The following FYB1 variants were observed in gnomAD, a reference collection of about 807,000 sequenced individuals.
The protein encoded by FYB1 is FYN binding protein 1.
A neutral mutation model predicts 94.1 loss-of-function variants in FYB1; 41 were observed. The ratio of observed to expected loss-of-function variants is 0.44; its 90% CI spans 0.34 to 0.57. FYB1 has a LOEUF of 0.57. FYB1 is among the 20% of genes least tolerant of loss of function. FYB1 has a pLI of 0.02. For missense variants in FYB1, 1,050 were observed against 976.8 expected (o/e 1.07, Z -1.00); for synonymous variants, 367 against 353.2 (o/e 1.04, Z -0.44).
chr5:39,227,916 G>A (rs1176716997), intron 1 of FYB1, among the ~76,000 whole-genome samples: 2 of 152,136 alleles, frequency 1.3e-5, no homozygotes, highest in Non-Finnish European at 2.9e-5. Context: ...GACCCAAAAT[G>A]TTTTTCACTG....
At chr5:39,208,816 A>G (rs1749086656) in intron 1 of FYB1, 1 of 152,214 alleles carries the variant, frequency 6.6e-6, no homozygotes, top group African/African-American at 2.4e-5. Context: ...AGGTGTAACA[A>G]AAAGACTGAG....
At chr5:39,134,068 TG>T (rs1215533022) in intron 9 of FYB1, 139 bp downstream of exon 9, 3 of 563,868 alleles carry the variant, frequency 5.3e-6, no homozygotes, top group Non-Finnish European at 9.3e-6. Flanking sequence ...TCACCCATGT[TG>T]GGGTTATTGT....
chr5:39,188,918 T>A (rs260331), intron 2 of FYB1, among the ~76,000 whole-genome samples: 4,472 of 152,220 alleles, frequency 0.029, 253 homozygotes, highest in African/African-American at 0.1. Context: ...ATTCCTGAGT[T>A]CCATCCCAGA....
intron 1 of FYB1, chr5:39,270,928 G>GTA (rs1244853264): frequency 5.3e-6 from 1 of 187,540 alleles, no homozygotes; most frequent in Non-Finnish European, 1.1e-5. Context: ...GGATACATAT[G>GTA]TGTGTGTGTG....
intron 11 of FYB1, among the ~76,000 whole-genome samples, chr5:39,127,124 A>G (rs75938066): frequency 0.04 from 5,978 of 151,006 alleles, 427 homozygotes; most frequent in African/African-American, 0.14. Context: ...AAATGGAAAA[A>G]GAAAATTTAT....
intron 16 of FYB1, among the ~76,000 whole-genome samples, chr5:39,117,818 CT>C (rs1739714263): frequency 6.6e-6 from 1 of 152,114 alleles, no homozygotes; most frequent in South Asian, 2.1e-4. Context: ...AATTACTCTT[CT>C]CGGGATTTAA....
chr5:39,108,130 A>T, intron 18 of FYB1, 101 bp downstream of exon 18: 1 of 1,110,006 alleles, frequency 9.0e-7, no homozygotes, highest in Non-Finnish European at 1.3e-6. Context: ...TCAAATTCTG[A>T]TCAGATTGGA....
At chr5:39,144,466 A>G (rs1052052335) in intron 3 of FYB1, among the ~76,000 whole-genome samples, 2 of 152,168 alleles carry the variant, frequency 1.3e-5, no homozygotes, top group African/African-American at 4.8e-5. Flanking sequence ...AATAAATTGC[A>G]AAGAATTAAA....
chr5:39,154,847 C>A (rs1297241529), intron 2 of FYB1, among the ~76,000 whole-genome samples: 1 of 152,300 alleles, frequency 6.6e-6, no homozygotes, highest in Non-Finnish European at 1.5e-5. Flanking sequence ...CCGCCTTGTC[C>A]TCCCAAAGTG....
At chr5:39,265,807 G>A (rs1344061817) in intron 1 of FYB1, among the ~76,000 whole-genome samples, 1 of 152,180 alleles carries the variant, frequency 6.6e-6, no homozygotes, top group East Asian at 1.9e-4. Context: ...TGTTCACCCT[G>A]CATTCCAATG....
chr5:39,133,469 A>C (rs1315438018), intron 9 of FYB1, among the ~76,000 whole-genome samples: 1 of 152,172 alleles, frequency 6.6e-6, no homozygotes, highest in Non-Finnish European at 1.5e-5. Context: ...GAGACAAAAG[A>C]ATGACAAAAA....
intron 13 of FYB1, among the ~76,000 whole-genome samples, chr5:39,123,909 GT>G (rs1441061262): frequency 6.6e-6 from 1 of 152,128 alleles, no homozygotes; most frequent in Non-Finnish European, 1.5e-5. Flanking sequence ...AATCTGGAAT[GT>G]TTTTAGATAT....
intron 2 of FYB1, among the ~76,000 whole-genome samples, chr5:39,167,586 C>T (rs1393735461): frequency 6.6e-6 from 1 of 152,260 alleles, no homozygotes; most frequent in African/African-American, 2.4e-5. Context: ...CCAGAGTATT[C>T]TGTGTTAGGG....
chr5:39,258,740 C>A (rs925741914), intron 1 of FYB1, among the ~76,000 whole-genome samples: 1 of 152,084 alleles, frequency 6.6e-6, no homozygotes, highest in Non-Finnish European at 1.5e-5. Context: ...CTCTCACTGA[C>A]TTAGCACATG....
chr5:39,271,133 A>G (rs2111777600), intron 1 of FYB1, among the ~76,000 whole-genome samples: 1 of 152,262 alleles, frequency 6.6e-6, no homozygotes, highest in South Asian at 2.1e-4. Context: ...GAGCAAAAGT[A>G]TATGAAAATT....
chr5:39,202,059 T>A lies in FYB1; in HGVS notation c.902A>T (p.Gln301Leu). Residue 301 changes from glutamine to leucine, a missense_variant, in exon 2 of 19, where the codon CAG becomes CTG. By Grantham distance (113) the Gln-to-Leu change is moderately radical (BLOSUM62 -2). Coordinates refer to ENST00000512982, the MANE Select transcript of FYB1 (RefSeq NM_001465.6). ...AKNTFQSKIN[Q>L]EELASGTPPA... ...AGGAGTCCCTGAGGCCAACTCTTCC[T>A]GATTTATTTTGCTCTGGAAGGTGTT... is the stretch of plus-strand genomic sequence containing the variant. 6.2e-7 allele frequency: 1 copy of A among 1,614,058 alleles called. No homozygotes were observed. The highest frequency in any genetic ancestry group is 8.5e-7 in the Non-Finnish European group (1 of 1,179,886).
upstream of FYB1, among the ~76,000 whole-genome samples, chr5:39,220,429 AG>A (rs1750186857): frequency 6.7e-6 from 1 of 149,114 alleles, no homozygotes; most frequent in Admixed American, 6.7e-5. Flanking sequence ...AAAAAAAAAA[AG>A]AAGAAAGAAA....
In FYB1 at chr5:39,260,506, G is replaced by A. The variant is rs11740565; in HGVS notation, c.-28+13897C>T. Among the ~76,000 whole-genome samples, 1,092 of 152,184 alleles carry A rather than the reference G, an allele frequency of 7.2e-3. 2 individuals are homozygous for A. Among genetic ancestry groups the A allele is most frequent in the Non-Finnish European group, 0.011 (781 of 68,018 alleles). Reference sequence around the variant, plus strand: ...GCAGGATAAGTAAAAATAAATTCACGTCTCTGTGAAGCATAGTAAAAGCTC... The same window carrying A: ...GCAGGATAAGTAAAAATAAATTCACATCTCTGTGAAGCATAGTAAAAGCTC... On this transcript the variant is annotated intron_variant, in intron 1 of 1. Coordinates refer to the FYB1 transcript ENST00000510188.
upstream of FYB1, among the ~76,000 whole-genome samples, chr5:39,223,375 A>G (rs1451518305): frequency 6.6e-6 from 1 of 152,198 alleles, no homozygotes; most frequent in African/African-American, 2.4e-5. Flanking sequence ...TGAAGTTGAA[A>G]AGAATTACTT....
Sources: allele counts gnomAD v4.1 joint callset (sites outside exome capture counted in the v4.1 genomes callset), GRCh38; gene constraint gnomAD v4.1.1; transcripts MANE v1.5; gene names NCBI Gene and HGNC (gene_info 2026-07-23, HGNC 2026-07-21).